Variants in CHD7 observed in about 807,000 individuals in gnomAD.
The protein encoded by CHD7 is chromodomain helicase DNA binding protein 7, also known as ATP-dependent chromatin remodeler CHD7.
In CHD7, 24 loss-of-function variants were observed where a neutral mutation model predicts 307.3. The observed-to-expected ratio is 0.08, with a 90% confidence interval of 0.06 to 0.11. CHD7 has a LOEUF of 0.11. CHD7 is among the 10% of genes least tolerant of loss of function. The pLI, the probability that CHD7 is intolerant of heterozygous loss-of-function variation, is 1.00. For missense variants in CHD7, 3,106 were observed against 3,727.1 expected (o/e 0.83, Z 4.34); for synonymous variants, 1,363 against 1,349.9 (o/e 1.01, Z -0.21).
intron 2 of CHD7, among the ~76,000 whole-genome samples, chr8:60,761,315 G>A (rs980130392): frequency 2.2e-5 from 3 of 138,772 alleles, no homozygotes; most frequent in South Asian, 4.7e-4. Context: ...ACACAGGAAG[G>A]GGAACATCAC....
intron 2 of CHD7, among the ~76,000 whole-genome samples, chr8:60,767,892 CAT>C (rs1021090518): frequency 8.5e-5 from 13 of 152,166 alleles, no homozygotes; most frequent in African/African-American, 2.2e-4. Flanking sequence ...TATTTTATGA[CAT>C]ATATTCAGCA....
chr8:60,844,882 C>G lies in CHD7; in HGVS notation c.4869C>G (p.Asp1623Glu). 1 of 1,603,306 alleles carries G rather than the reference C, an allele frequency of 6.2e-7. No individual in the cohort carries two copies. The highest frequency in any genetic ancestry group is 8.5e-7 in the Non-Finnish European group (1 of 1,172,576). The change falls in exon 22 of 38, where the codon GAC becomes GAG. Residue 1623 changes from aspartate to glutamate, a missense_variant. By Grantham distance (45) the Asp-to-Glu change is conservative (BLOSUM62 2). Around this residue, in one of 10 missense-constraint regions of CHD7, gnomAD observed 122 missense variants for 124.5 expected, o/e 0.98. Coordinates refer to ENST00000423902, the MANE Select transcript of CHD7 (RefSeq NM_017780.4). ...TTTGCAGTTGGGGACGGTGGACAGA[C>G]ATTCTTTCCCACGGACGCTATAAAC... ...LLVYGWGRWT[D>E]ILSHGRYKRQ... is the part of the protein sequence containing the mutation.
chr8:60,681,763 A>G (rs183772194), intron 1 of CHD7, among the ~76,000 whole-genome samples: 1 of 152,284 alleles, frequency 6.6e-6, no homozygotes, highest in African/African-American at 2.4e-5. Context: ...ATTGTTTTCT[A>G]GCACTGTGGG....
In CHD7 at chr8:60,856,254, T is replaced by C. The variant is rs1379131915; in HGVS notation, c.7164+52T>C. 17 of 1,406,530 alleles carry C rather than the reference T, an allele frequency of 1.2e-5. No homozygotes were observed. In the South Asian group the frequency reaches 1.9e-4, roughly 16 times the overall value. 87.1% of individuals were successfully genotyped at this position (1,406,530 alleles called of 1,614,324 possible). On this transcript the variant is annotated intron_variant, in intron 33 of 37. Transcript: ENST00000423902. ...GCTTAAAAGGGAGCTCTCTAAGCCT[T>C]AACTGAGTTTGCGAGCTTATATTTC...
chr8:60,814,213 T>A lies in CHD7; in HGVS notation c.2499-2174T>A, dbSNP rs148422631. On this transcript the variant is annotated intron_variant, in intron 7 of 37. Coordinates refer to ENST00000423902, the MANE Select transcript of CHD7 (RefSeq NM_017780.4). ...CCTCCAGAATGGGTTATCATCAGAG[T>A]CTAGAAAGCAGAGTCACACTGAAAA... Among the ~76,000 whole-genome samples the A allele has an allele frequency of 5.0e-3, 755 of 152,262 alleles. 8 individuals carry two copies. Among genetic ancestry groups the A allele is most frequent in the African/African-American group, 0.016 (683 of 41,546 alleles).
intron 7 of CHD7, chr8:60,809,517 G>A (rs1176159369): frequency 6.6e-6 from 1 of 151,978 alleles, no homozygotes; most frequent in Non-Finnish European, 1.5e-5. Context: ...CTCCAGATCA[G>A]TGTGTGACAG....
intron 2 of CHD7, among the ~76,000 whole-genome samples, chr8:60,750,681 C>T (rs761238602): frequency 1.3e-5 from 2 of 152,254 alleles, no homozygotes; most frequent in South Asian, 2.1e-4. Context: ...GAATTTAAAA[C>T]CTGATATGTA....
At chr8:60,745,925 CATGGTATAT>C (rs1809301389) in intron 2 of CHD7, among the ~76,000 whole-genome samples, 1 of 152,206 alleles carries the variant, frequency 6.6e-6, no homozygotes, top group South Asian at 2.1e-4. Context: ...ATGTCCACTC[CATGGTATAT>C]ATGTTAATTC....
intron 2 of CHD7, among the ~76,000 whole-genome samples, chr8:60,749,724 G>A (rs1185731330): frequency 6.6e-6 from 1 of 152,168 alleles, no homozygotes; most frequent in Admixed American, 6.5e-5. Flanking sequence ...GGTGCTCACA[G>A]AAGGAAGGCA....
chr8:60,821,786 C>G lies in CHD7; in HGVS notation c.2698-4C>G, dbSNP rs1804052604. On this transcript the variant is annotated splice_region_variant and splice_polypyrimidine_tract_variant and intron_variant, in intron 9 of 37. Coordinates refer to ENST00000423902, the MANE Select transcript of CHD7 (RefSeq NM_017780.4). Reference sequence around the variant, plus strand: ...CAATTCTGATTTATTTAAATCTGGTCCAGCCTGTGACTCACTATCTGGTGA... The same window carrying G: ...CAATTCTGATTTATTTAAATCTGGTGCAGCCTGTGACTCACTATCTGGTGA... 2 of 1,553,282 alleles carry G rather than the reference C, an allele frequency of 1.3e-6. No homozygotes were observed. Among genetic ancestry groups the G allele is most frequent in the Non-Finnish European group, 1.7e-6 (2 of 1,148,074 alleles).
At chr8:60,847,761 AG>A (rs1344096121) in intron 23 of CHD7, among the ~76,000 whole-genome samples, 3 of 152,298 alleles carry the variant, frequency 2.0e-5, no homozygotes, top group Admixed American at 6.5e-5. Flanking sequence ...TAGAATTCCA[AG>A]GGTTTTAAAA....
At chr8:60,680,651 T>G (rs1805576726) in intron 1 of CHD7, among the ~76,000 whole-genome samples, 1 of 152,162 alleles carries the variant, frequency 6.6e-6, no homozygotes, top group Non-Finnish European at 1.5e-5. Flanking sequence ...GTCGGACTCT[T>G]TTCCTGGAGG....
chr8:60,720,169 C>G (rs945432951), intron 1 of CHD7, among the ~76,000 whole-genome samples: 19 of 152,094 alleles, frequency 1.2e-4, no homozygotes, highest in Non-Finnish European at 2.6e-4. Flanking sequence ...GTGTCCTGTT[C>G]CATATAACTT....
In CHD7 at chr8:60,797,462, A is replaced by T. The variant is rs1037777843; in HGVS notation, c.2238+2335A>T. Among the ~76,000 whole-genome samples the T allele has an allele frequency of 5.9e-5, 9 of 152,356 alleles. No individual in the cohort carries two copies. In the East Asian group the frequency reaches 1.7e-3, roughly 29 times the overall value. Reference sequence around the variant, plus strand: ...AATTTCTATTTAAAAAGAAGAAAGCACACTGTCTTATTGTACTGGATGGAA... The same window carrying T: ...AATTTCTATTTAAAAAGAAGAAAGCTCACTGTCTTATTGTACTGGATGGAA... On this transcript the variant is annotated intron_variant, in intron 4 of 37. Transcript: ENST00000423902.
intron 9 of CHD7, among the ~76,000 whole-genome samples, chr8:60,821,270 C>T (rs1804020001): frequency 6.6e-6 from 1 of 152,120 alleles, no homozygotes; most frequent in South Asian, 2.1e-4. Flanking sequence ...TCAAATTCAG[C>T]TTTGCTATTT....
intron 1 of CHD7, among the ~76,000 whole-genome samples, chr8:60,708,338 A>G (rs1255226445): frequency 6.6e-6 from 1 of 152,208 alleles, no homozygotes; most frequent in Non-Finnish European, 1.5e-5. Flanking sequence ...AATCCTCTGT[A>G]TCCAGAATGT....
Position 60,742,554 on chromosome 8 carries a change from C to T in CHD7, c.1122C>T (p.Asn374=). 4 of 1,613,984 alleles carry T rather than the reference C, an allele frequency of 2.5e-6. No homozygotes were observed. The highest frequency in any genetic ancestry group is 1.7e-5 in the Admixed American group (1 of 60,020). ...QQPIHPSGSL[N]QMNTQTMHPS... ...CCATCCACCCCAGTGGCTCACTTAA[C>T]CAAATGAACACACAAACTATGCATC... Residue 374 remains asparagine (N), a synonymous_variant, in exon 2 of 38, where the codon AAC becomes AAT. Transcript: ENST00000423902.
rs1806256892 is a variant in CHD7 at position 60,866,767 on chromosome 8, A to G, written c.*834A>G. ...TGAAGTTTACAGACATGACTTTGTAAATGTATTGTTTTTCTTTGTTGTGAT... is the reference window on the plus strand; with the variant it reads ...TGAAGTTTACAGACATGACTTTGTAGATGTATTGTTTTTCTTTGTTGTGAT... On this transcript the variant is annotated 3_prime_UTR_variant, in exon 38 of 38. Transcript: ENST00000423902. 1.3e-5 allele frequency: 2 copies of G among 152,654 alleles called. No individual in the cohort carries two copies. Among genetic ancestry groups the G allele is most frequent in the Admixed American group, 1.3e-4 (2 of 15,284 alleles). The allele number at this position is 152,654 out of a possible 1,614,324, so 9.5% of individuals were successfully genotyped here.
intron 21 of CHD7, among the ~76,000 whole-genome samples, chr8:60,842,808 A>C (rs1805030569): frequency 6.6e-6 from 1 of 152,180 alleles, no homozygotes. Flanking sequence ...ATATGCTGAC[A>C]TGGCATCCAG....
Sources: gnomAD v4.1 joint callset for allele counts (sites outside exome capture counted in the v4.1 genomes callset) on GRCh38, gnomAD v4.1.1 for gene constraint, gnomAD v4.1.1 regional missense constraint, MANE v1.5 for transcripts, NCBI Gene and HGNC (gene_info 2026-07-23, HGNC 2026-07-21) for gene names.